The following CDKN2B variants were observed in gnomAD, a reference collection of about 807,000 sequenced individuals.
CDKN2B encodes the protein cyclin-dependent kinase 4 inhibitor B.
Under a neutral mutation model 7.7 loss-of-function variants are expected in CDKN2B, and 8 were observed. That is an observed-to-expected ratio of 1.04 (90% CI 0.61 to 1.87). The LOEUF (loss-of-function observed/expected upper bound fraction) is 1.87, where lower values mean the gene tolerates loss of function less well. Ranked by LOEUF, CDKN2B falls within the 40% of genes most tolerant of loss-of-function variation. CDKN2B has a pLI of 0.00. For synonymous variants in CDKN2B, 93 were observed against 95.8 expected, an observed-to-expected ratio of 0.97 and a Z score of 0.17; for missense variants, 244 against 213.1, an observed-to-expected ratio of 1.15 and a Z score of -0.90.
In CDKN2B at chr9:22,003,976, G is replaced by A. The variant is rs1277026380; in HGVS notation, c.*2011C>T. 2 of 232,688 alleles carry A rather than the reference G, an allele frequency of 8.6e-6. No individual in the cohort carries two copies. The highest frequency in any genetic ancestry group is 4.4e-5 in the African/African-American group (2 of 45,320). 14.4% of individuals were successfully genotyped at this position (232,688 alleles called of 1,614,324 possible). ...AAAAGCAAGACAACCATAATCAGCT[G>A]TGGAACTAGATGCACTTCTTTGTGC... On this transcript the variant is annotated 3_prime_UTR_variant, in exon 2 of 2. Coordinates refer to ENST00000276925, the MANE Select transcript of CDKN2B (RefSeq NM_004936.4).
Position 22,005,242 on chromosome 9 carries a change from G to A in CDKN2B, c.*745C>T, listed in dbSNP as rs891973269. 4 of 234,362 alleles carry A rather than the reference G, an allele frequency of 1.7e-5. No individual in the cohort carries two copies. Among genetic ancestry groups the A allele is most frequent in the Non-Finnish European group, 3.4e-5 (4 of 118,984 alleles). The allele number at this position is 234,362 out of a possible 1,614,324, so 14.5% of individuals were successfully genotyped here. On this transcript the variant is annotated 3_prime_UTR_variant, in exon 2 of 2. Transcript: ENST00000276925. The surrounding 1 kb of genome is among the most constrained non-coding windows in gnomAD (Gnocchi z 4.9). ...CGGAACCCGCGGGAATCTCTCCTCA[G>A]TGTAGTAAGAGCAAAGGCCAGCATC...
In CDKN2B at chr9:22,006,001, C is replaced by A. The variant is rs756217982; in HGVS notation, c.403G>T (p.Ala135Ser). 6.2e-7 allele frequency: 1 copy of A among 1,602,908 alleles called. No homozygotes were observed. The highest frequency in any genetic ancestry group is 8.5e-7 in the Non-Finnish European group (1 of 1,179,764). Reference protein sequence around the residue: ...HRDVAGYLRTATGD With the variant: ...HRDVAGYLRTSTGD ...GGAACCTGGCGTCAGTCCCCCGTGG[C>A]TGTGCGCAGGTACCCTGCAACGTCG... Residue 135 changes from alanine to serine, a missense_variant, in exon 2 of 2, where the codon GCC (alanine) becomes TCC (serine). Transcript: ENST00000276925. The surrounding 1 kb of genome is among the most constrained non-coding windows in gnomAD (Gnocchi z 6.4).
rs1253220031 is a variant in CDKN2B, at chr9:22,006,018, G to C, written c.386C>G (p.Ala129Gly). The C allele has an allele frequency of 6.2e-7, 1 of 1,603,616 alleles. No homozygotes were observed. The highest frequency in any genetic ancestry group is 1.7e-5 in the Admixed American group (1 of 59,946). Residue 129 changes from alanine to glycine, a missense_variant, in exon 2 of 2, where the codon GCA (alanine) becomes GGA (glycine). By Grantham distance (60) the Ala-to-Gly change is moderately conservative. Transcript: ENST00000276925. The surrounding 1 kb of genome is among the most constrained non-coding windows in gnomAD (Gnocchi z 6.4). ...CCCCGTGGCTGTGCGCAGGTACCCT[G>C]CAACGTCGCGGTGGCCCCGCTCCTC... ...LAEERGHRDV[A>G]GYLRTATGD is the part of the protein sequence containing the mutation.
In CDKN2B at chr9:22,003,486, C is replaced by G; in HGVS notation, c.*2501G>C. ...GTATAATGCAACTAGCAAATTTAAA[C>G]ATCTTGGAATTTAAGATATAGAGGT... On this transcript the variant is annotated 3_prime_UTR_variant, in exon 2 of 2. Transcript: ENST00000276925. The G allele has an allele frequency of 4.4e-6, 1 of 228,470 alleles. No individual in the cohort carries two copies. Among genetic ancestry groups the G allele is most frequent in the African/African-American group, 2.2e-5 (1 of 45,220 alleles). 14.2% of individuals were successfully genotyped at this position (228,470 alleles called of 1,614,324 possible). A position where few individuals can be genotyped will look rare whatever the true frequency, so the allele number is the denominator to read the frequency against.
In CDKN2B at chr9:22,008,782, C is replaced by CT; in HGVS notation, c.156+15dup. 6.2e-7 allele frequency: 1 copy of CT among 1,607,906 alleles called. No homozygotes were observed. The highest frequency in any genetic ancestry group is 2.2e-5 in the East Asian group (1 of 44,752). On this transcript the variant is annotated intron_variant, in intron 1 of 1. Coordinates refer to ENST00000276925, the MANE Select transcript of CDKN2B (RefSeq NM_004936.4). The stretch of plus-strand genomic sequence containing the variant: ...TCGCGCGCCCCCTGCCGGCGAGGCC[C>CT]TGGGGCCCCAGCTACCTGGATCGCG...
Position 22,008,860 on chromosome 9 carries a change from G to C in CDKN2B, c.94C>G (p.Gln32Glu). 1.2e-6 allele frequency: 2 copies of C among 1,611,680 alleles called. No individual in the cohort carries two copies. The highest frequency in any genetic ancestry group is 8.5e-7 in the Non-Finnish European group (1 of 1,179,366). The stretch of plus-strand genomic sequence containing the variant: ...GGATCCGCGCCGGCTTCCAGGAGCT[G>C]TCGCACCTTCTCCACTAGTCCCCGC... ...AARGLVEKVR[Q>E]LLEAGADPNG... The change falls in exon 1 of 2, where the codon CAG becomes GAG. Residue 32 changes from glutamine to glutamate, a missense_variant. Physicochemically the swap from Gln to Glu is conservative, Grantham distance 29. Coordinates refer to ENST00000276925, the MANE Select transcript of CDKN2B (RefSeq NM_004936.4).
Position 22,009,116 on chromosome 9 carries a change from C to T in CDKN2B, c.-163G>A, listed in dbSNP as rs181360070. 1.6e-5 allele frequency: 17 copies of T among 1,066,734 alleles called. No individual in the cohort carries two copies. Among genetic ancestry groups the T allele is most frequent in the Non-Finnish European group, 5.5e-6 (4 of 725,510 alleles). 66.1% of individuals were successfully genotyped at this position (1,066,734 alleles called of 1,614,324 possible). A position where few individuals can be genotyped will look rare whatever the true frequency, so the allele number is the denominator to read the frequency against. The stretch of plus-strand genomic sequence containing the variant: ...CCCGTCGTCCTTCTGCGGCTTGGGG[C>T]CCCGTGCAGTGGCCGAGCGGCCGGT... On this transcript the variant is annotated 5_prime_UTR_variant, in exon 1 of 2. Coordinates refer to ENST00000276925, the MANE Select transcript of CDKN2B (RefSeq NM_004936.4).
Position 22,009,223 on chromosome 9 carries a change from C to T in CDKN2B, c.-270G>A, listed in dbSNP as rs1821366742. On this transcript the variant is annotated 5_prime_UTR_variant, in exon 1 of 2. Coordinates refer to ENST00000276925, the MANE Select transcript of CDKN2B (RefSeq NM_004936.4). Reference sequence around the variant, plus strand: ...TCTGGGAAAAAGCGCCTAGCGCGGACGCAGCCGAGCTCAAAGCCGCTCTGG... The same window carrying T: ...TCTGGGAAAAAGCGCCTAGCGCGGATGCAGCCGAGCTCAAAGCCGCTCTGG... 1 of 583,264 alleles carries T rather than the reference C, an allele frequency of 1.7e-6. No homozygotes were observed. The highest frequency in any genetic ancestry group is 3.1e-6 in the Non-Finnish European group (1 of 327,300). The allele number at this position is 583,264 out of a possible 1,614,324, so 36.1% of individuals were successfully genotyped here.
chr9:22,008,689 G>GACT (rs777078006), intron 1 of CDKN2B, 109 bp downstream of exon 1: 1 of 1,610,204 alleles, frequency 6.2e-7, no homozygotes, highest in South Asian at 1.1e-5. Flanking sequence ...GGCCAACGGA[G>GACT]ACTCCTGTAC....
At position 22,006,211 on chromosome 9, in the gene CDKN2B, G is replaced by A. The variant is rs773670765; in HGVS notation, c.193C>T (p.Leu65=). Residue 65 remains leucine, a synonymous_variant, in exon 2 of 2, where the codon CTG becomes TTG. Transcript: ENST00000276925. The surrounding 1 kb of genome is among the most constrained non-coding windows in gnomAD (Gnocchi z 6.4). ...MMGSARVAEL[L]LLHGAEPNCA... The stretch of plus-strand genomic sequence containing the variant: ...TTGGGCTCCGCGCCGTGGAGCAGCA[G>A]CAGCTCCGCCACGCGGGCGCTGCCC... The A allele has an allele frequency of 1.8e-5, 29 of 1,608,156 alleles. No individual in the cohort carries two copies. Among genetic ancestry groups the A allele is most frequent in the Non-Finnish European group, 2.4e-5 (28 of 1,179,878 alleles).
rs755236254 is a variant in CDKN2B, at chr9:22,006,092, C to T, written c.312G>A (p.Ala104=). 3 of 1,608,274 alleles carry T rather than the reference C, an allele frequency of 1.9e-6. No individual in the cohort carries two copies. Among genetic ancestry groups the T allele is most frequent in the South Asian group, 1.1e-5 (1 of 91,030 alleles). ...CCCAGGCATCGCGCACGTCCAGCCG[C>T]GCCCCGGCCCGGTGCAGCACCACCA... ...DTLVVLHRAG[A]RLDVRDAWGR... The change falls in exon 2 of 2, where the codon GCG becomes GCA. Residue 104 remains alanine (A), a synonymous_variant. Transcript: ENST00000276925. This position sits in a 1 kb window ranked among gnomAD's most constrained non-coding sequence, Gnocchi z 6.4.
At chr9:22,007,730 A>G (rs1821264435) in intron 1 of CDKN2B, among the ~76,000 whole-genome samples, 1 of 152,206 alleles carries the variant, frequency 6.6e-6, no homozygotes, top group African/African-American at 2.4e-5. Flanking sequence ...TACATAGAAA[A>G]AAAGGGGAAA....
rs531182018 is a variant in CDKN2B at position 22,005,294 on chromosome 9, T to G, written c.*693A>C. The G allele has an allele frequency of 5.3e-4, 125 of 237,920 alleles. No individual in the cohort carries two copies. The highest frequency in any genetic ancestry group is 9.3e-4 in the Non-Finnish European group (113 of 120,952). The allele number at this position is 237,920 out of a possible 1,614,324, so 14.7% of individuals were successfully genotyped here. On this transcript the variant is annotated 3_prime_UTR_variant, in exon 2 of 2. Transcript: ENST00000276925. The surrounding 1 kb of genome is among the most constrained non-coding windows in gnomAD (Gnocchi z 4.9). Reference sequence around the variant, plus strand: ...TGTGCAAAGGTGCTCTGCAGCGTCGTGATCCAGGGATTTTAGCATCTGTCG... The same window carrying G: ...TGTGCAAAGGTGCTCTGCAGCGTCGGGATCCAGGGATTTTAGCATCTGTCG...
At position 22,005,038 on chromosome 9, in the gene CDKN2B, C is replaced by T. The variant is rs1821096165; in HGVS notation, c.*949G>A. On this transcript the variant is annotated 3_prime_UTR_variant, in exon 2 of 2. Transcript: ENST00000276925. This position sits in a 1 kb window ranked among gnomAD's most constrained non-coding sequence, Gnocchi z 4.9. Reference sequence around the variant, plus strand: ...ATCTCCCCATTAAATAAGACAGTTGCTGAACAACTAAAAAGTACAAAATAT... The same window carrying T: ...ATCTCCCCATTAAATAAGACAGTTGTTGAACAACTAAAAAGTACAAAATAT... 4.3e-6 allele frequency: 1 copy of T among 233,184 alleles called. No individual in the cohort carries two copies. The highest frequency in any genetic ancestry group is 6.0e-5 in the East Asian group (1 of 16,576). 14.4% of individuals were successfully genotyped at this position (233,184 alleles called of 1,614,324 possible). A position where few individuals can be genotyped will look rare whatever the true frequency, so the allele number is the denominator to read the frequency against.
Position 22,006,265 on chromosome 9 carries a change from G to A in CDKN2B, c.157-18C>T, listed in dbSNP as rs1315592735. ...ATCATGACCTGCCAGAGAGAGCAGA[G>A]TGGTCAGAGCCAGGGTGGGGGCAGG... is the stretch of plus-strand genomic sequence containing the variant. On this transcript the variant is annotated intron_variant, in intron 1 of 1. Transcript: ENST00000276925. The surrounding 1 kb of genome is among the most constrained non-coding windows in gnomAD (Gnocchi z 6.4). The A allele has an allele frequency of 7.5e-6, 12 of 1,602,076 alleles. No individual in the cohort carries two copies. Among genetic ancestry groups the A allele is most frequent in the East Asian group, 4.5e-5 (2 of 44,878 alleles).
At position 22,005,222 on chromosome 9, in the gene CDKN2B, C is replaced by G. The variant is rs920181429; in HGVS notation, c.*765G>C. On this transcript the variant is annotated 3_prime_UTR_variant, in exon 2 of 2. Coordinates refer to ENST00000276925, the MANE Select transcript of CDKN2B (RefSeq NM_004936.4). The surrounding 1 kb of genome is among the most constrained non-coding windows in gnomAD (Gnocchi z 4.9). ...CATCCTGTGTAGTCTGCCTGCGGAA[C>G]CCGCGGGAATCTCTCCTCAGTGTAG... 7 of 233,614 alleles carry G rather than the reference C, an allele frequency of 3.0e-5. No individual in the cohort carries two copies. The highest frequency in any genetic ancestry group is 1.5e-4 in the African/African-American group (7 of 45,332). The allele number at this position is 233,614 out of a possible 1,614,324, so 14.5% of individuals were successfully genotyped here.
rs1821202353 is a variant in CDKN2B at position 22,006,632 on chromosome 9, GC to G, written c.157-386del. Among the ~76,000 whole-genome samples, 1 of 152,096 alleles carries G rather than the reference GC, an allele frequency of 6.6e-6. No individual in the cohort carries two copies. Among genetic ancestry groups the G allele is most frequent in the Admixed American group, 6.5e-5 (1 of 15,268 alleles). On this transcript the variant is annotated intron_variant, in intron 1 of 1. Coordinates refer to ENST00000276925, the MANE Select transcript of CDKN2B (RefSeq NM_004936.4). This position sits in a 1 kb window ranked among gnomAD's most constrained non-coding sequence, Gnocchi z 6.4. ...CGGCTTTTAAAGTTTTAAATTATTT[GC>G]CTTGCTGACCCCTCCTCCATAATCC...
At chr9:22,008,265 T>C (rs1032362686) in intron 1 of CDKN2B, among the ~76,000 whole-genome samples, 33 of 152,186 alleles carry the variant, frequency 2.2e-4, no homozygotes, top group African/African-American at 7.7e-4. Flanking sequence ...GCATCACTCA[T>C]AAGACACTGC....
In CDKN2B at chr9:22,006,217, C is replaced by G. The variant is rs777125202; in HGVS notation, c.187G>C (p.Glu63Gln). The G allele has an allele frequency of 4.4e-6, 7 of 1,607,684 alleles. No individual in the cohort carries two copies. Among genetic ancestry groups the G allele is most frequent in the Non-Finnish European group, 5.9e-6 (7 of 1,179,902 alleles). Residue 63 changes from glutamate (E) to glutamine (Q), a missense_variant, in exon 2 of 2, where the codon GAG becomes CAG. Coordinates refer to ENST00000276925, the MANE Select transcript of CDKN2B (RefSeq NM_004936.4). The surrounding 1 kb of genome is among the most constrained non-coding windows in gnomAD (Gnocchi z 6.4). ...TCCGCGCCGTGGAGCAGCAGCAGCT[C>G]CGCCACGCGGGCGCTGCCCATCATC... ...VMMMGSARVA[E>Q]LLLLHGAEPN...
Sources: allele counts gnomAD v4.1 joint callset (sites outside exome capture counted in the v4.1 genomes callset), GRCh38; gene constraint gnomAD v4.1.1; non-coding constraint Gnocchi (gnomAD v3.1); transcripts MANE v1.5; gene names NCBI Gene and HGNC (gene_info 2026-07-23, HGNC 2026-07-21).